Variants in C7orf78 observed in about 807,000 individuals in gnomAD.
C7orf78 encodes chromosome 7 open reading frame 78, also known as putative uncharacterized protein C7orf78.
At chr7:12,507,917 G>C in the C7orf78 span, among the ~76,000 whole-genome samples, 1 of 152,140 alleles carries the variant, frequency 6.6e-6, no homozygotes, top group Admixed American at 6.5e-5. Context: ...CGTCTTTTCA[G>C]TTTGTGGGTT....
the C7orf78 span, chr7:12,491,605 T>C: frequency 6.6e-6 from 1 of 151,970 alleles, no homozygotes; most frequent in African/African-American, 2.4e-5. Flanking sequence ...TAAAAAAGAG[T>C]AAAACAAAGA....
chr7:12,504,539 T>C, the C7orf78 span: 3 of 152,184 alleles, frequency 2.0e-5, no homozygotes, highest in Admixed American at 6.5e-5. Context: ...AAAGCTATCT[T>C]TCAAATGGTA....
chr7:12,516,551 T>C, the C7orf78 span, among the ~76,000 whole-genome samples: 1 of 152,090 alleles, frequency 6.6e-6, no homozygotes, highest in African/African-American at 2.4e-5. Context: ...CCCAGAATGG[T>C]AGATCCACTG....
the C7orf78 span, chr7:12,525,827 C>G: frequency 2.5e-6 from 1 of 396,806 alleles, no homozygotes; most frequent in Non-Finnish European, 4.4e-6. Context: ...TAGTACCAAC[C>G]TGGTTTACCA....
At chr7:12,541,640 T>C in the C7orf78 span, 1 of 151,412 alleles carries the variant, frequency 6.6e-6, no homozygotes, top group South Asian at 2.1e-4. Context: ...TGGTTAGTGA[T>C]AGTGTTTATT....
the C7orf78 span, among the ~76,000 whole-genome samples, chr7:12,538,031 A>G: frequency 1.3e-5 from 2 of 152,190 alleles, no homozygotes; most frequent in Admixed American, 1.3e-4. Context: ...GGAGTACAAT[A>G]ACCTTCTGGG....
the C7orf78 span, among the ~76,000 whole-genome samples, chr7:12,534,289 G>C: frequency 6.6e-6 from 1 of 152,112 alleles, no homozygotes; most frequent in Non-Finnish European, 1.5e-5. Flanking sequence ...ATTATGTTCA[G>C]CCATGAAAAA....
chr7:12,517,013 T>C, the C7orf78 span, among the ~76,000 whole-genome samples: 1 of 152,074 alleles, frequency 6.6e-6, no homozygotes, highest in Non-Finnish European at 1.5e-5. Context: ...AAGGCATGAT[T>C]GGTTTTGAAA....
the C7orf78 span, among the ~76,000 whole-genome samples, chr7:12,503,477 A>C: frequency 6.6e-6 from 1 of 152,064 alleles, no homozygotes; most frequent in African/African-American, 2.4e-5. Context: ...AAGGGGAAAA[A>C]GTTGGAGATA....
chr7:12,501,399 C>G, the C7orf78 span, among the ~76,000 whole-genome samples: 2 of 151,518 alleles, frequency 1.3e-5, no homozygotes, highest in African/African-American at 4.8e-5. Flanking sequence ...GATACAAAAT[C>G]AATGTGCAAA....
chr7:12,515,193 T>C, the C7orf78 span, among the ~76,000 whole-genome samples: 1 of 152,160 alleles, frequency 6.6e-6, no homozygotes, highest in Non-Finnish European at 1.5e-5. Context: ...ATAATTCCCA[T>C]GTGTTGTGTG....
the C7orf78 span, among the ~76,000 whole-genome samples, chr7:12,496,807 A>G: frequency 6.6e-6 from 1 of 152,256 alleles, no homozygotes. Context: ...ACAATGAGGC[A>G]TAAATCAGAT....
At chr7:12,519,594 C>T in the C7orf78 span, among the ~76,000 whole-genome samples, 7 of 152,202 alleles carry the variant, frequency 4.6e-5, no homozygotes, top group Non-Finnish European at 1.0e-4. Flanking sequence ...ATATGTGACA[C>T]AGTTAGAGGT....
At chr7:12,490,774 T>C in the C7orf78 span, among the ~76,000 whole-genome samples, 1 of 152,106 alleles carries the variant, frequency 6.6e-6, no homozygotes. Context: ...ATCAGATTTT[T>C]TTTTTTCAAA....
chr7:12,483,665 C>G, the C7orf78 span: 4 of 147,698 alleles, frequency 2.7e-5, no homozygotes, highest in African/African-American at 1.0e-4. Context: ...GTCAGCAGTT[C>G]GAGACCAGCC....
At chr7:12,525,327 T>C in the C7orf78 span, among the ~76,000 whole-genome samples, 1 of 152,060 alleles carries the variant, frequency 6.6e-6, no homozygotes, top group Admixed American at 6.6e-5. Flanking sequence ...TAGTAGCTTA[T>C]AAAAAAACAG....
the C7orf78 span, among the ~76,000 whole-genome samples, chr7:12,500,117 A>G: frequency 7.3e-6 from 1 of 137,194 alleles, no homozygotes; most frequent in African/African-American, 2.7e-5. Context: ...AAATGCCCAC[A>G]AGAGAAAGCA....
chr7:12,496,754 T>C, the C7orf78 span: 3 of 152,368 alleles, frequency 2.0e-5, no homozygotes, highest in African/African-American at 7.2e-5. Context: ...GGTATTTGTA[T>C]ATATGCTTTT....
the C7orf78 span, among the ~76,000 whole-genome samples, chr7:12,494,879 G>C: frequency 6.6e-6 from 1 of 152,122 alleles, no homozygotes; most frequent in South Asian, 2.1e-4. Flanking sequence ...CCTTGAAAAA[G>C]AGGAATGCAA....
Sources: gnomAD v4.1 joint callset for allele counts (sites outside exome capture counted in the v4.1 genomes callset) on GRCh38, gnomAD v4.1.1 for gene constraint, MANE v1.5 for transcripts, NCBI Gene and HGNC (gene_info 2026-07-23, HGNC 2026-07-21) for gene names.